Variants in SATL1 observed in about 807,000 individuals in gnomAD.
SATL1 encodes the protein spermidine/spermine N(1)-acetyltransferase-like protein 1.
A neutral mutation model predicts 51.8 loss-of-function variants in SATL1; 47 were observed. The ratio of observed to expected loss-of-function variants is 0.91; its 90% CI spans 0.72 to 1.16. The LOEUF is 1.16. SATL1 is among the 50% of genes most tolerant of loss of function. SATL1 has a pLI of 0.00. For missense variants in SATL1, 520 were observed against 526.4 expected (o/e 0.99, Z 0.12); for synonymous variants, 176 against 182.4 (o/e 0.97, Z 0.28).
intron 2 of SATL1, among the ~76,000 whole-genome samples, chrX:85,115,833 C>A (rs1229385576): frequency 1.8e-5 from 2 of 111,411 alleles, no homozygotes; most frequent in African/African-American, 6.5e-5. Flanking sequence ...CATGAGCGTC[C>A]TGTCCAGGAG....
intron 2 of SATL1, among the ~76,000 whole-genome samples, chrX:85,139,604 C>T (rs1339892926): frequency 1.8e-5 from 2 of 111,394 alleles, no homozygotes; most frequent in Non-Finnish European, 3.8e-5. Context: ...GTTCACTGAG[C>T]TTAGTTCAGT....
intron 2 of SATL1, among the ~76,000 whole-genome samples, chrX:85,180,929 C>T (rs1330248737): frequency 9.1e-6 from 1 of 110,307 alleles, no homozygotes; most frequent in East Asian, 2.8e-4. Context: ...CCTTATTCTC[C>T]TTATTTTAAT....
intron 2 of SATL1, among the ~76,000 whole-genome samples, chrX:85,200,701 T>A (rs764074141): frequency 4.5e-5 from 5 of 111,787 alleles, no homozygotes; most frequent in Non-Finnish European, 9.4e-5. Context: ...TAAGAGGTGA[T>A]ACATGTATAG....
intron 2 of SATL1, among the ~76,000 whole-genome samples, chrX:85,162,736 G>GT (rs1253254586): frequency 9.0e-6 from 1 of 111,291 alleles, no homozygotes; most frequent in Non-Finnish European, 1.9e-5. Flanking sequence ...TTTGCTGAAG[G>GT]TTTTTTATCA....
chrX:85,185,436 G>T (rs1391735168), intron 2 of SATL1, among the ~76,000 whole-genome samples: 1 of 112,379 alleles, frequency 8.9e-6, no homozygotes, highest in Non-Finnish European at 1.9e-5. Context: ...CCTGGCCCCT[G>T]TGGGTCCAGA....
intron 2 of SATL1, among the ~76,000 whole-genome samples, chrX:85,113,048 T>G (rs1925296502): frequency 9.0e-6 from 1 of 111,243 alleles, no homozygotes; most frequent in African/African-American, 3.3e-5. Context: ...GTTCTGTGGG[T>G]CTTGGACTCT....
chrX:85,213,036 T>C lies in SATL1; in HGVS notation c.-313+11169A>G, dbSNP rs1327377848. 5.4e-5 allele frequency among the ~76,000 whole-genome samples: 6 copies of C among 111,841 alleles called. No individual in the cohort carries two copies. The East Asian group carries it at 1.7e-3, about 31-fold the overall frequency. The stretch of plus-strand genomic sequence containing the variant: ...ACTATTTTATTTTGTAAAATGGGAT[T>C]AGGAAATATGAACCAAATGTATAGT... On this transcript the variant is annotated intron_variant, in intron 2 of 7. Coordinates refer to ENST00000644105, the MANE Select transcript of SATL1 (RefSeq NM_001367857.2).
chrX:85,236,505 G>A (rs138617527), intron 1 of SATL1, among the ~76,000 whole-genome samples: 3,176 of 111,142 alleles, frequency 0.029, 113 homozygotes, highest in African/African-American at 0.098. Context: ...ACCAAGTGAG[G>A]TTATCCCAGA....
rs751758400 is a variant in SATL1 at position 85,171,674 on chromosome X, G to A, written c.-313+52531C>T. 3.6e-5 allele frequency among the ~76,000 whole-genome samples: 4 copies of A among 111,285 alleles called. No individual in the cohort carries two copies. In the East Asian group the frequency reaches 8.5e-4, roughly 24 times the overall value. The stretch of plus-strand genomic sequence containing the variant: ...CTTTTTCTAGTTTCTAAAAAATGGG[G>A]ACAAAACTTACCCACCTTGTGGGAA... On this transcript the variant is annotated intron_variant, in intron 2 of 7. Transcript: ENST00000644105.
At chrX:85,197,905 C>A (rs1927607816) in intron 2 of SATL1, among the ~76,000 whole-genome samples, 1 of 110,085 alleles carries the variant, frequency 9.1e-6, no homozygotes, top group Non-Finnish European at 1.9e-5. Context: ...CATTGTTGGA[C>A]ACCAAATACT....
intron 2 of SATL1, among the ~76,000 whole-genome samples, chrX:85,147,156 C>A (rs796766292): frequency 9.3e-6 from 1 of 107,114 alleles, no homozygotes; most frequent in Admixed American, 9.9e-5. Flanking sequence ...AAATGGCACA[C>A]CAGGAGATTA....
intron 2 of SATL1, among the ~76,000 whole-genome samples, chrX:85,146,053 C>G (rs771682495): frequency 9.1e-6 from 1 of 110,103 alleles, no homozygotes; most frequent in Non-Finnish European, 1.9e-5. Flanking sequence ...CCCGCCACCA[C>G]GCCCGGCAAT....
chrX:85,167,519 A>G (rs1208628263), intron 2 of SATL1, among the ~76,000 whole-genome samples: 2 of 111,781 alleles, frequency 1.8e-5, no homozygotes, highest in African/African-American at 6.5e-5. Flanking sequence ...ATCTATGCAC[A>G]CAAACTAGAA....
intron 2 of SATL1, among the ~76,000 whole-genome samples, chrX:85,170,517 T>C (rs770542973): frequency 9.8e-5 from 11 of 111,773 alleles, no homozygotes; most frequent in Non-Finnish European, 1.9e-4. Flanking sequence ...AATCTTAGGC[T>C]AATGTCCACA....
chrX:85,153,183 G>T (rs1191164067), intron 2 of SATL1, among the ~76,000 whole-genome samples: 2 of 110,084 alleles, frequency 1.8e-5, no homozygotes, highest in East Asian at 5.7e-4. Flanking sequence ...GGGAAAGATG[G>T]GGGCAGGTAG....
At chrX:85,155,541 A>G (rs923171133) in intron 2 of SATL1, among the ~76,000 whole-genome samples, 13 of 112,229 alleles carry the variant, frequency 1.2e-4, no homozygotes, top group Non-Finnish European at 2.1e-4. Context: ...AATCTCAAGC[A>G]CTTGGGGTTA....
At chrX:85,175,703 C>G (rs921086992) in intron 2 of SATL1, among the ~76,000 whole-genome samples, 1 of 110,737 alleles carries the variant, frequency 9.0e-6, no homozygotes, top group Non-Finnish European at 1.9e-5. Context: ...TTTGACGCCC[C>G]TTGGCTTAAA....
At chrX:85,127,840 C>T (rs954640238) in intron 2 of SATL1, among the ~76,000 whole-genome samples, 1 of 110,667 alleles carries the variant, frequency 9.0e-6, no homozygotes, top group East Asian at 2.9e-4. Context: ...GTTCCCTGCC[C>T]TATGTCCAAG....
chrX:85,153,007 AT>A (rs1157046283), intron 2 of SATL1, among the ~76,000 whole-genome samples: 1 of 110,672 alleles, frequency 9.0e-6, no homozygotes, highest in Non-Finnish European at 1.9e-5. Flanking sequence ...TTAAAAAAAA[AT>A]ACATCGACAT....
Sources: allele counts gnomAD v4.1 joint callset (sites outside exome capture counted in the v4.1 genomes callset), GRCh38; gene constraint gnomAD v4.1.1; transcripts MANE v1.5; gene names NCBI Gene and HGNC (gene_info 2026-07-23, HGNC 2026-07-21).